The following GREB1L variants were observed in gnomAD, a reference collection of about 807,000 sequenced individuals.
GREB1L encodes GREB1 like retinoic acid receptor coactivator.
In GREB1L, 17 loss-of-function variants were observed where a neutral mutation model predicts 200.8. That is an observed-to-expected ratio of 0.08 (90% CI 0.06 to 0.13). GREB1L has a LOEUF of 0.13. Among genes scored for constraint, GREB1L ranks in the 10% least tolerant of loss-of-function variants. GREB1L has a pLI of 1.00. For missense variants in GREB1L, 1,657 were observed against 2,367.7 expected, an observed-to-expected ratio of 0.70 and a Z score of 6.23; for synonymous variants, 789 against 893.0, an observed-to-expected ratio of 0.88 and a Z score of 2.08.
rs1280850898 is a variant in GREB1L, at chr18:21,439,657, GT to G, written c.949+24del. 5.6e-6 allele frequency: 8 copies of G among 1,425,848 alleles called. No individual in the cohort carries two copies. Among genetic ancestry groups the G allele is most frequent in the Non-Finnish European group, 7.8e-6 (8 of 1,031,454 alleles). The allele number at this position is 1,425,848 out of a possible 1,614,324, so 88.3% of individuals were successfully genotyped here. On this transcript the variant is annotated intron_variant, in intron 8 of 32. Transcript: ENST00000424526. ...ATCAAGGTACAATGCCTGTCGTAGA[GT>G]TTTGTAATAATGCACTTACCAGTGG...
At chr18:21,278,685 CAT>C (rs1471878219) in intron 1 of GREB1L, among the ~76,000 whole-genome samples, 2 of 149,204 alleles carry the variant, frequency 1.3e-5, no homozygotes, top group Non-Finnish European at 2.9e-5. Flanking sequence ...AAACACCAGT[CAT>C]GTGGTAGATG....
intron 2 of GREB1L, among the ~76,000 whole-genome samples, chr18:21,374,509 A>T (rs573519608): frequency 3.8e-4 from 58 of 152,318 alleles, no homozygotes; most frequent in Non-Finnish European, 6.8e-4. Context: ...TTTTCAGTAG[A>T]CAAAGCTTAG....
intron 1 of GREB1L, among the ~76,000 whole-genome samples, chr18:21,300,021 T>TA (rs945183244): frequency 6.6e-6 from 1 of 152,226 alleles, no homozygotes; most frequent in Non-Finnish European, 1.5e-5. Context: ...AAAATCTTTT[T>TA]AAAGAATTCC....
At chr18:21,466,049 G>A (rs1257832055) in intron 15 of GREB1L, among the ~76,000 whole-genome samples, 4 of 151,972 alleles carry the variant, frequency 2.6e-5, no homozygotes, top group Non-Finnish European at 4.4e-5. Context: ...TACATTCTAC[G>A]TATTCTCCTG....
chr18:21,302,331 A>G (rs576467997), intron 1 of GREB1L, among the ~76,000 whole-genome samples: 1 of 152,322 alleles, frequency 6.6e-6, no homozygotes, highest in Non-Finnish European at 1.5e-5. Flanking sequence ...ATTACTGTCA[A>G]AAGACAAAAT....
chr18:21,424,184 C>T (rs1249588335), intron 7 of GREB1L, among the ~76,000 whole-genome samples: 1 of 152,200 alleles, frequency 6.6e-6, no homozygotes, highest in African/African-American at 2.4e-5. Context: ...TTATTGGCCT[C>T]TGTTGACAGT....
At chr18:21,347,762 CTTT>C (rs761498957) in intron 1 of GREB1L, among the ~76,000 whole-genome samples, 7 of 114,258 alleles carry the variant, frequency 6.1e-5, no homozygotes, top group Admixed American at 9.8e-5. Flanking sequence ...GCCCCCCGAC[CTTT>C]TTTTTTTTTT....
At chr18:21,350,688 A>G (rs562721837) in intron 1 of GREB1L, among the ~76,000 whole-genome samples, 1 of 152,306 alleles carries the variant, frequency 6.6e-6, no homozygotes, top group African/African-American at 2.4e-5. Context: ...TTCATGGGCA[A>G]TGATGTAGAT....
rs2036994149 is a variant in GREB1L at position 21,505,894 on chromosome 18, C to T, written c.4313C>T (p.Thr1438Ile). The T allele has an allele frequency of 1.3e-6, 2 of 1,552,232 alleles. No individual in the cohort carries two copies. Among genetic ancestry groups the T allele is most frequent in the Non-Finnish European group, 1.7e-6 (2 of 1,147,038 alleles). ...CTGACCAAATATGCAGCCTATAACA[C>T]CTTTCACCACTGTGAACAGTGCCGC... ...IMLTKYAAYN[T>I]FHHCEQCRQY... is the part of the protein sequence containing the mutation. Residue 1438 changes from threonine (T) to isoleucine (I), a missense_variant, in exon 25 of 33, where the codon ACC becomes ATC. Thr to Ile is a moderately conservative substitution (Grantham distance 89). Around this residue, in one of 9 missense-constraint regions of GREB1L, gnomAD observed 512 missense variants for 668.3 expected, o/e 0.77. Transcript: ENST00000424526.
At chr18:21,443,889 A>G (rs1436749731) in intron 10 of GREB1L, among the ~76,000 whole-genome samples, 1 of 152,236 alleles carries the variant, frequency 6.6e-6, no homozygotes, top group Admixed American at 6.5e-5. Flanking sequence ...AATTCAGTGT[A>G]CTACTCAGCC....
intron 7 of GREB1L, among the ~76,000 whole-genome samples, chr18:21,434,466 A>C (rs1446590924): frequency 2.0e-5 from 3 of 151,020 alleles, no homozygotes; most frequent in African/African-American, 7.4e-5. Context: ...GCAGAGTGAG[A>C]ATCCATCTAA....
intron 1 of GREB1L, among the ~76,000 whole-genome samples, chr18:21,332,649 A>G (rs2039122704): frequency 6.6e-6 from 1 of 151,890 alleles, no homozygotes; most frequent in Non-Finnish European, 1.5e-5. Context: ...TAATTTTTAT[A>G]TTTTTAGTAG....
At chr18:21,342,674 A>G (rs575213897) in intron 1 of GREB1L, among the ~76,000 whole-genome samples, 2 of 152,270 alleles carry the variant, frequency 1.3e-5, no homozygotes, top group Admixed American at 6.5e-5. Context: ...ATGAGCCTCT[A>G]TAAGTGAGAT....
intron 1 of GREB1L, among the ~76,000 whole-genome samples, chr18:21,351,423 A>G (rs1010275022): frequency 1.3e-5 from 2 of 152,120 alleles, no homozygotes; most frequent in Non-Finnish European, 2.9e-5. Flanking sequence ...AAATACAAAA[A>G]TTAGCAGGGC....
chr18:21,270,529 G>A (rs1428720490), intron 1 of GREB1L, among the ~76,000 whole-genome samples: 154 of 152,290 alleles, frequency 1.0e-3, no homozygotes, highest in Non-Finnish European at 3.1e-4. Flanking sequence ...GGGTGTAAGA[G>A]TTCATAGGGA....
At chr18:21,434,531 G>A (rs291790) in intron 7 of GREB1L, among the ~76,000 whole-genome samples, 3,818 of 107,556 alleles carry the variant, frequency 0.035, 230 homozygotes, top group African/African-American at 0.1. Context: ...GTGTGTGTGT[G>A]TATATATATG....
Position 21,255,970 on chromosome 18 carries a change from A to G in GREB1L, c.-120+13577A>G, listed in dbSNP as rs1367317992. Among the ~76,000 whole-genome samples the G allele has an allele frequency of 5.9e-5, 9 of 152,336 alleles. No homozygotes were observed. In the East Asian group the frequency reaches 1.4e-3, roughly 23 times the overall value. On this transcript the variant is annotated intron_variant, in intron 1 of 32. Transcript: ENST00000424526. ...TTTGAAAATCATAATACTGTCTGCA[A>G]TATTGAATATGGATGATAGAGTATT...
chr18:21,311,515 T>G (rs1262322810), intron 1 of GREB1L, among the ~76,000 whole-genome samples: 2 of 152,166 alleles, frequency 1.3e-5, no homozygotes, highest in African/African-American at 4.8e-5. Flanking sequence ...TTGAAGATAA[T>G]CCTCTGAAAA....
chr18:21,414,288 C>G (rs1196558535), intron 7 of GREB1L, among the ~76,000 whole-genome samples: 1 of 151,948 alleles, frequency 6.6e-6, no homozygotes, highest in African/African-American at 2.4e-5. Context: ...GATTTTTTGT[C>G]ATATCACGTA....
Sources: gnomAD v4.1 joint callset for allele counts (sites outside exome capture counted in the v4.1 genomes callset) on GRCh38, gnomAD v4.1.1 for gene constraint, gnomAD v4.1.1 regional missense constraint, MANE v1.5 for transcripts, NCBI Gene and HGNC (gene_info 2026-07-23, HGNC 2026-07-21) for gene names.